The following ADARB2 variants were observed in gnomAD, a reference collection of about 807,000 sequenced individuals.
ADARB2 encodes adenosine deaminase RNA specific B2 (inactive).
A neutral mutation model predicts 62.2 loss-of-function variants in ADARB2; 25 were observed. The ratio of observed to expected loss-of-function variants is 0.40; its 90% CI spans 0.29 to 0.56. The LOEUF (loss-of-function observed/expected upper bound fraction) is 0.56, where lower values mean the gene tolerates loss of function less well. ADARB2 is among the 20% of genes least tolerant of loss of function. ADARB2 has a pLI of 0.43. For synonymous variants in ADARB2, 572 were observed against 500.8 expected (o/e 1.14, Z -1.90); for missense variants, 1,071 against 1,077.4 (o/e 0.99, Z 0.08).
chr10:1,618,890 C>G (rs1031041477), intron 1 of ADARB2, among the ~76,000 whole-genome samples: 2 of 152,166 alleles, frequency 1.3e-5, no homozygotes, highest in Admixed American at 6.5e-5. Context: ...AAATTAAACC[C>G]TCTCCTCCAA....
At chr10:1,455,931 T>C (rs1383722546) in intron 1 of ADARB2, among the ~76,000 whole-genome samples, 1 of 152,246 alleles carries the variant, frequency 6.6e-6, no homozygotes, top group Non-Finnish European at 1.5e-5. Context: ...TTTTCTTTAA[T>C]GTATGTCACT....
intron 1 of ADARB2, among the ~76,000 whole-genome samples, chr10:1,637,108 A>T (rs1027287802): frequency 2.0e-5 from 3 of 152,172 alleles, no homozygotes; most frequent in East Asian, 1.9e-4. Flanking sequence ...AACACAACAG[A>T]TGTAGACACA....
At chr10:1,598,938 G>T (rs1833373919) in intron 1 of ADARB2, among the ~76,000 whole-genome samples, 2 of 152,246 alleles carry the variant, frequency 1.3e-5, no homozygotes, top group African/African-American at 4.8e-5. Context: ...CAGGGCCGCG[G>T]TGCACACCTG....
intron 1 of ADARB2, among the ~76,000 whole-genome samples, chr10:1,590,881 TGA>T (rs1456051102): frequency 1.2e-4 from 19 of 152,116 alleles, no homozygotes; most frequent in African/African-American, 2.4e-4. Flanking sequence ...GGAGCTGTGA[TGA>T]GAGAGTCTCC....
At chr10:1,481,497 A>G (rs1831469766) in intron 1 of ADARB2, among the ~76,000 whole-genome samples, 1 of 152,254 alleles carries the variant, frequency 6.6e-6, no homozygotes. Context: ...GACACCATCA[A>G]GGGAGTGAAA....
chr10:1,623,387 T>G (rs1833730441), intron 1 of ADARB2, among the ~76,000 whole-genome samples: 2 of 152,226 alleles, frequency 1.3e-5, no homozygotes, highest in Admixed American at 6.5e-5. Flanking sequence ...ATACATGAAC[T>G]GCAAACTACA....
chr10:1,204,204 C>T (rs1190267045), intron 7 of ADARB2, among the ~76,000 whole-genome samples: 5 of 152,152 alleles, frequency 3.3e-5, no homozygotes, highest in African/African-American at 9.7e-5. Flanking sequence ...GCATACAGGC[C>T]CCACCCCATT....
chr10:1,401,007 C>A (rs1832656967), intron 1 of ADARB2, among the ~76,000 whole-genome samples: 1 of 152,170 alleles, frequency 6.6e-6, no homozygotes, highest in Non-Finnish European at 1.5e-5. Context: ...ACCGCTGGGG[C>A]CCCTGACCAC....
At chr10:1,730,366 C>T (rs1336021900) in intron 1 of ADARB2, among the ~76,000 whole-genome samples, 3 of 152,158 alleles carry the variant, frequency 2.0e-5, no homozygotes, top group Admixed American at 6.5e-5. Flanking sequence ...CTTTCTGATC[C>T]GTGGGAGATT....
In ADARB2 at chr10:1,712,396, TAAG is replaced by T. The variant is rs57034226; in HGVS notation, c.100+24652_100+24654del. 9.1e-3 allele frequency among the ~76,000 whole-genome samples: 1,380 copies of T among 152,144 alleles called. 22 individuals are homozygous for T. Among genetic ancestry groups the T allele is most frequent in the African/African-American group, 0.03 (1,264 of 41,480 alleles). On this transcript the variant is annotated intron_variant, in intron 1 of 9. Transcript: ENST00000381312. ...TCATGGCCTCAGTTTTATACAAAGG[TAAG>T]AAGTTATGAGGTGTATTGCAGAATA...
intron 1 of ADARB2, among the ~76,000 whole-genome samples, chr10:1,527,509 T>C (rs1832163845): frequency 6.6e-6 from 1 of 152,198 alleles, no homozygotes; most frequent in Admixed American, 6.5e-5. Flanking sequence ...TAAATTAAAA[T>C]CAATGCCCTT....
intron 1 of ADARB2, among the ~76,000 whole-genome samples, chr10:1,668,803 GCTTT>G (rs1000016903): frequency 6.6e-6 from 1 of 152,220 alleles, no homozygotes; most frequent in Non-Finnish European, 1.5e-5. Flanking sequence ...CTGTTCGAGA[GCTTT>G]CTTTCTAAAT....
At chr10:1,657,425 G>T (rs937574038) in intron 1 of ADARB2, among the ~76,000 whole-genome samples, 2 of 152,086 alleles carry the variant, frequency 1.3e-5, no homozygotes, top group East Asian at 1.9e-4. Context: ...TTTAAAAGCG[G>T]TGAAAATGTA....
At chr10:1,540,489 T>TTGAACCC (rs1564322842) in intron 1 of ADARB2, among the ~76,000 whole-genome samples, 9 of 116,440 alleles carry the variant, frequency 7.7e-5, no homozygotes, top group Non-Finnish European at 1.0e-4. Flanking sequence ...CAGACGTAGT[T>TTGAACCC]CAGACCCTGG....
chr10:1,696,254 C>T (rs1834744287), intron 1 of ADARB2, among the ~76,000 whole-genome samples: 1 of 150,946 alleles, frequency 6.6e-6, no homozygotes, highest in Non-Finnish European at 1.5e-5. Flanking sequence ...TGCACATGTG[C>T]ATTGTGTATG....
intron 1 of ADARB2, among the ~76,000 whole-genome samples, chr10:1,522,577 T>A (rs1413212287): frequency 1.3e-5 from 2 of 152,164 alleles, no homozygotes; most frequent in East Asian, 3.9e-4. Flanking sequence ...TTTTGCATGT[T>A]CCAGCTCCTT....
At chr10:1,338,232 G>C (rs1831991937) in intron 3 of ADARB2, among the ~76,000 whole-genome samples, 1 of 152,210 alleles carries the variant, frequency 6.6e-6, no homozygotes, top group African/African-American at 2.4e-5. Flanking sequence ...AGACTGATAA[G>C]TGTTTAACCG....
intron 1 of ADARB2, among the ~76,000 whole-genome samples, chr10:1,555,213 T>C (rs1832682613): frequency 6.6e-6 from 1 of 152,200 alleles, no homozygotes; most frequent in African/African-American, 2.4e-5. Flanking sequence ...GATGATTTAC[T>C]TTCTTTCGGA....
intron 3 of ADARB2, among the ~76,000 whole-genome samples, chr10:1,278,296 T>TC (rs1831338644): frequency 6.6e-6 from 1 of 151,024 alleles, no homozygotes. Flanking sequence ...TTTCTTTTTT[T>TC]TTTTTTAAGT....
Sources: allele counts gnomAD v4.1 joint callset (sites outside exome capture counted in the v4.1 genomes callset), GRCh38; gene constraint gnomAD v4.1.1; transcripts MANE v1.5; gene names NCBI Gene and HGNC (gene_info 2026-07-23, HGNC 2026-07-21).